Variants in PSMB7 observed in about 807,000 individuals in gnomAD.
PSMB7 encodes the protein proteasome subunit beta type-7.
PSMB7 carries 5 observed loss-of-function variants against 28.1 expected under a neutral mutation model. That is an observed-to-expected ratio of 0.18 (90% confidence interval 0.09 to 0.37). PSMB7 has a LOEUF of 0.37. Among genes scored for constraint, PSMB7 ranks in the 10% least tolerant of loss-of-function variants. The pLI is 1.00. For synonymous variants in PSMB7, 122 were observed against 123.7 expected (o/e 0.99, Z 0.09); for missense variants, 275 against 346.2 (o/e 0.79, Z 1.63).
intron 5 of PSMB7, among the ~76,000 whole-genome samples, chr9:124,388,156 C>T (rs995104937): frequency 5.9e-5 from 9 of 152,182 alleles, no homozygotes; most frequent in Non-Finnish European, 8.8e-5. Flanking sequence ...AAAACCAAGG[C>T]GAAAATCTTT....
chr9:124,387,821 G>T (rs1830741571), intron 5 of PSMB7, among the ~76,000 whole-genome samples: 1 of 151,548 alleles, frequency 6.6e-6, no homozygotes, highest in Non-Finnish European at 1.5e-5. Context: ...GCAATTGCCT[G>T]AAGTGACAAG....
chr9:124,378,029 A>C (rs1471213983), intron 6 of PSMB7, among the ~76,000 whole-genome samples: 1 of 152,244 alleles, frequency 6.6e-6, no homozygotes, highest in Non-Finnish European at 1.5e-5. Context: ...AAAATTGGCT[A>C]AGCCTGCAGT....
intron 5 of PSMB7, among the ~76,000 whole-genome samples, chr9:124,386,697 T>C (rs77885226): frequency 0.012 from 1,852 of 152,286 alleles, 38 homozygotes; most frequent in African/African-American, 0.043. Flanking sequence ...GGTATTTAGC[T>C]AGGAGCTAAC....
At chr9:124,385,522 G>C (rs933623705) in intron 5 of PSMB7, among the ~76,000 whole-genome samples, 2 of 152,172 alleles carry the variant, frequency 1.3e-5, no homozygotes, top group African/African-American at 2.4e-5. Flanking sequence ...TGTCTTTACA[G>C]GTCCTGGCAA....
At chr9:124,368,841 G>T (rs1340140714) in intron 6 of PSMB7, among the ~76,000 whole-genome samples, 1 of 152,186 alleles carries the variant, frequency 6.6e-6, no homozygotes, top group Non-Finnish European at 1.5e-5. Context: ...TTTCATGAGA[G>T]TGAGTTTTAC....
chr9:124,358,753 C>T (rs570024090), intron 6 of PSMB7, among the ~76,000 whole-genome samples: 1 of 152,366 alleles, frequency 6.6e-6, no homozygotes, highest in South Asian at 2.1e-4. Flanking sequence ...CACCTCTGCT[C>T]CCCCTTCTCT....
intron 6 of PSMB7, 147 bp from the exon 7 acceptor site, chr9:124,357,062 T>A: frequency 1.0e-6 from 1 of 963,438 alleles, no homozygotes; most frequent in Non-Finnish European, 1.5e-6. Context: ...GGAAAAGATC[T>A]CAAAGTACCT....
At chr9:124,405,119 T>C (rs1174361189) in intron 5 of PSMB7, among the ~76,000 whole-genome samples, 198 bp downstream of exon 5, 2 of 152,196 alleles carry the variant, frequency 1.3e-5, no homozygotes, top group Non-Finnish European at 2.9e-5. Context: ...CAGGAATCAC[T>C]ATCAGAATTG....
intron 5 of PSMB7, among the ~76,000 whole-genome samples, chr9:124,398,761 T>TTGTACTGGGGCTTGCCAGAGA (rs1830867397): frequency 6.6e-6 from 1 of 152,120 alleles, no homozygotes; most frequent in Admixed American, 6.5e-5. Context: ...AGCAGCTGTG[T>TTGTACTGGGGCTTGCCAGAGA]TGTACTGGGG....
In PSMB7 at chr9:124,359,347, G is replaced by T. The variant is rs183108339; in HGVS notation, c.571-2432C>A. On this transcript the variant is annotated intron_variant, in intron 6 of 7. Coordinates refer to ENST00000259457, the MANE Select transcript of PSMB7 (RefSeq NM_002799.4). ...AGATGGAATGAAACTTAGATTTATG[G>T]AGCACCTATATGCTCACTAAAACAA... 1.3e-3 allele frequency among the ~76,000 whole-genome samples: 198 copies of T among 152,162 alleles called. 1 individual carries two copies. Among genetic ancestry groups the T allele is most frequent in the African/African-American group, 4.6e-3 (192 of 41,512 alleles).
intron 6 of PSMB7, among the ~76,000 whole-genome samples, chr9:124,359,181 GGAAA>G (rs1830445089): frequency 6.6e-6 from 1 of 152,008 alleles, no homozygotes; most frequent in Admixed American, 6.6e-5. Context: ...TTTTAAATTG[GGAAA>G]ATACATCTTT....
chr9:124,353,701 C>T lies in PSMB7; in HGVS notation c.731G>A (p.Arg244Gln), dbSNP rs751993608. 9.3e-6 allele frequency: 15 copies of T among 1,611,646 alleles called. No individual in the cohort carries two copies. Among genetic ancestry groups the T allele is most frequent in the East Asian group, 4.5e-5 (2 of 44,886 alleles). ...AGTAGTCCCTTTCTCACACCTGTACCGGCCAAGCCTAGTAAGAGAAAAACA... is the reference window on the plus strand; with the variant it reads ...AGTAGTCCCTTTCTCACACCTGTACTGGCCAAGCCTAGTAAGAGAAAAACA... ...VPNKKGTRLG[R>Q]YRCEKGTTAV... is the part of the protein sequence containing the mutation. Residue 244 changes from arginine to glutamine, a missense_variant, in exon 8 of 8, where the codon CGG becomes CAG. Arg to Gln is a conservative substitution (Grantham distance 43). Transcript: ENST00000259457.
At chr9:124,415,106 G>A (rs1380594798) in intron 1 of PSMB7, 171 bp from the exon 2 acceptor site, 4 of 630,778 alleles carry the variant, frequency 6.3e-6, no homozygotes, top group Non-Finnish European at 1.1e-5. Context: ...AACGAAGACA[G>A]TCTTACAAAG....
intron 4 of PSMB7, among the ~76,000 whole-genome samples, chr9:124,406,355 A>G (rs969394418): frequency 6.6e-6 from 1 of 151,982 alleles, no homozygotes; most frequent in Non-Finnish European, 1.5e-5. Context: ...ACAAAAAATT[A>G]GCAAGGCATG....
At position 124,414,825 on chromosome 9, in the gene PSMB7, A is replaced by G. The variant is rs996318617; in HGVS notation, c.156+17T>C. ...TGCCGGTTCAGTCACTGCTGCTCTT[A>G]GCCTAACCCGGCTTACCTTATAGAC... On this transcript the variant is annotated intron_variant, in intron 2 of 7. Coordinates refer to ENST00000259457, the MANE Select transcript of PSMB7 (RefSeq NM_002799.4). 1 of 1,607,846 alleles carries G rather than the reference A, an allele frequency of 6.2e-7. No individual in the cohort carries two copies. Among genetic ancestry groups the G allele is most frequent in the Admixed American group, 1.7e-5 (1 of 59,958 alleles).
intron 5 of PSMB7, 76 bp downstream of exon 5, chr9:124,405,241 A>G: frequency 9.8e-7 from 1 of 1,018,028 alleles, no homozygotes; most frequent in South Asian, 1.4e-5. Context: ...CTTCTAAGAG[A>G]AAACAGACCA....
At chr9:124,391,764 CCAATT>C (rs1830789958) in intron 5 of PSMB7, among the ~76,000 whole-genome samples, 1 of 152,142 alleles carries the variant, frequency 6.6e-6, no homozygotes, top group African/African-American at 2.4e-5. Context: ...AGCGAACAAT[CCAATT>C]CAGGATGAAA....
chr9:124,397,696 T>A (rs1352987019), intron 5 of PSMB7, among the ~76,000 whole-genome samples: 14 of 152,248 alleles, frequency 9.2e-5, no homozygotes, highest in Admixed American at 9.2e-4. Flanking sequence ...ACAATCTAAC[T>A]AAAACATGAG....
At chr9:124,393,038 G>T (rs1287541248) in intron 5 of PSMB7, among the ~76,000 whole-genome samples, 1 of 152,168 alleles carries the variant, frequency 6.6e-6, no homozygotes, top group Non-Finnish European at 1.5e-5. Context: ...GCTTTCCACA[G>T]ACCCACAGAC....
Sources: allele counts gnomAD v4.1 joint callset (sites outside exome capture counted in the v4.1 genomes callset), GRCh38; gene constraint gnomAD v4.1.1; transcripts MANE v1.5; gene names NCBI Gene and HGNC (gene_info 2026-07-23, HGNC 2026-07-21).